The following DNER variants were observed in gnomAD, a reference collection of about 807,000 sequenced individuals.
DNER encodes the protein delta/notch like EGF repeat containing.
Under a neutral mutation model 78.2 loss-of-function variants are expected in DNER, and 33 were observed. The observed-to-expected ratio is 0.42, with a 90% CI of 0.32 to 0.56. The LOEUF is 0.56. DNER is among the 20% of genes least tolerant of loss of function. The pLI is 0.11. For missense variants in DNER, 918 were observed against 975.3 expected (o/e 0.94, Z 0.78); for synonymous variants, 417 against 384.8 (o/e 1.08, Z -0.98).
At chr2:229,471,080 A>G (rs1694914542) in intron 7 of DNER, among the ~76,000 whole-genome samples, 1 of 151,920 alleles carries the variant, frequency 6.6e-6, no homozygotes, top group Non-Finnish European at 1.5e-5. Flanking sequence ...ATGTAAATAC[A>G]TGGAGTTTCA....
At chr2:229,458,135 C>CAAAAAAAAAAAAAAAAA (rs61340733) in intron 7 of DNER, among the ~76,000 whole-genome samples, 2 of 17,718 alleles carry the variant, frequency 1.1e-4, no homozygotes, top group Non-Finnish European at 9.7e-5. Context: ...GACTCTATCT[C>CAAAAAAAAAAAAAAAAA]AAAAAAAAAA....
At chr2:229,706,726 TAA>T (rs1699833185) in intron 1 of DNER, among the ~76,000 whole-genome samples, 1 of 152,192 alleles carries the variant, frequency 6.6e-6, no homozygotes, top group Non-Finnish European at 1.5e-5. Flanking sequence ...GGATTTCATA[TAA>T]CTTTCATGCA....
chr2:229,379,869 T>G (rs207656), intron 11 of DNER, among the ~76,000 whole-genome samples: 10,707 of 152,160 alleles, frequency 0.07, 1,216 homozygotes, highest in African/African-American at 0.24. Context: ...CCCTTAGAAT[T>G]TTACCATTGA....
At position 229,447,559 on chromosome 2, in the gene DNER, G is replaced by A; in HGVS notation, c.1262-19C>T. Reference sequence around the variant, plus strand: ...AAGTATCCTGTGAAAAAACACATGAGAGCTTAAAAAAACTAAAACACATTT... The same window carrying A: ...AAGTATCCTGTGAAAAAACACATGAAAGCTTAAAAAAACTAAAACACATTT... On this transcript the variant is annotated intron_variant, in intron 7 of 12. Transcript: ENST00000341772. The A allele has an allele frequency of 2.5e-6, 4 of 1,608,904 alleles. No individual in the cohort carries two copies. Among genetic ancestry groups the A allele is most frequent in the Non-Finnish European group, 3.4e-6 (4 of 1,177,038 alleles).
chr2:229,679,567 G>A (rs1699353040), intron 1 of DNER, among the ~76,000 whole-genome samples: 1 of 151,958 alleles, frequency 6.6e-6, no homozygotes, highest in African/African-American at 2.4e-5. Context: ...TAAAACAGTG[G>A]TCTCAAAAGG....
In DNER at chr2:229,564,629, T is replaced by A. The variant is rs373787804; in HGVS notation, c.848-17537A>T. 2.3e-4 allele frequency among the ~76,000 whole-genome samples: 33 copies of A among 143,688 alleles called. No homozygotes were observed. In the East Asian group the frequency reaches 6.4e-3, roughly 28 times the overall value. 94.3% of individuals were successfully genotyped at this position (143,688 alleles called of 152,430 possible). A position where few individuals can be genotyped will look rare whatever the true frequency, so the allele number is the denominator to read the frequency against. On this transcript the variant is annotated intron_variant, in intron 4 of 12. Transcript: ENST00000341772. ...CCTCACCACATCACCATCATCATCC[T>A]CATCCTCACCCCATCACCACCATCA...
chr2:229,489,344 C>T (rs528346574), intron 6 of DNER, among the ~76,000 whole-genome samples: 4 of 152,264 alleles, frequency 2.6e-5, no homozygotes, highest in Non-Finnish European at 2.9e-5. Flanking sequence ...GAGATGAGGG[C>T]GGCGAGCATA....
At chr2:229,448,442 T>C (rs1019583702) in intron 7 of DNER, among the ~76,000 whole-genome samples, 3 of 152,224 alleles carry the variant, frequency 2.0e-5, no homozygotes, top group African/African-American at 7.2e-5. Context: ...TGGATTGTGG[T>C]GATAGCTGCA....
chr2:229,575,525 G>A (rs2154214145), intron 4 of DNER, among the ~76,000 whole-genome samples: 1 of 152,296 alleles, frequency 6.6e-6, no homozygotes, highest in South Asian at 2.1e-4. Context: ...AGTCTCCTGA[G>A]GAGCTACCAG....
chr2:229,382,104 T>C lies in DNER; in HGVS notation c.1855+6161A>G, dbSNP rs147708408. Among the ~76,000 whole-genome samples, 1,391 of 152,314 alleles carry C rather than the reference T, an allele frequency of 9.1e-3. 10 individuals carry two copies. The highest frequency in any genetic ancestry group is 0.048 in the Middle Eastern group (14 of 294). On this transcript the variant is annotated intron_variant, in intron 11 of 12. Transcript: ENST00000341772. The stretch of plus-strand genomic sequence containing the variant: ...CATCTTTGCTGTTCCACAGCCTCCA[T>C]TGGTGATACCCAGGCAAATGGTCTG...
chr2:229,650,887 T>C (rs1355283632), intron 1 of DNER, among the ~76,000 whole-genome samples: 1 of 152,134 alleles, frequency 6.6e-6, no homozygotes, highest in Non-Finnish European at 1.5e-5. Context: ...GTGCTTTCTA[T>C]AGAGTGGATG....
chr2:229,672,250 T>A (rs150120463), intron 1 of DNER, among the ~76,000 whole-genome samples: 156 of 151,952 alleles, frequency 1.0e-3, no homozygotes, highest in African/African-American at 3.5e-3. Context: ...GTAGCTGAGG[T>A]AGGGAGATTC....
chr2:229,442,504 C>T (rs1197176218), intron 8 of DNER, among the ~76,000 whole-genome samples: 2 of 110,260 alleles, frequency 1.8e-5, no homozygotes, highest in African/African-American at 4.9e-5. Context: ...GACAGAGCAA[C>T]GCTCTGTCTT....
intron 5 of DNER, among the ~76,000 whole-genome samples, chr2:229,546,381 A>G (rs373739165): frequency 1.3e-5 from 2 of 152,178 alleles, no homozygotes; most frequent in Non-Finnish European, 2.9e-5. Flanking sequence ...CAAGGAATTT[A>G]ATTGGGCTGA....
At chr2:229,548,070 A>G (rs1335858135) in intron 4 of DNER, among the ~76,000 whole-genome samples, 1 of 152,244 alleles carries the variant, frequency 6.6e-6, no homozygotes, top group Admixed American at 6.5e-5. Flanking sequence ...AAAGTTAAAA[A>G]GCCTCATCAT....
chr2:229,640,303 A>G (rs924226140), intron 1 of DNER, among the ~76,000 whole-genome samples: 18 of 152,228 alleles, frequency 1.2e-4, no homozygotes, highest in African/African-American at 3.9e-4. Context: ...TTACAATGCA[A>G]TACTTCCCAC....
At chr2:229,528,631 G>A (rs916738693) in intron 5 of DNER, among the ~76,000 whole-genome samples, 1 of 152,168 alleles carries the variant, frequency 6.6e-6, no homozygotes, top group Non-Finnish European at 1.5e-5. Flanking sequence ...TACTCTATCA[G>A]ATGATTTTGT....
intron 1 of DNER, among the ~76,000 whole-genome samples, chr2:229,596,399 G>C (rs534748835): frequency 6.6e-6 from 1 of 152,210 alleles, no homozygotes; most frequent in Non-Finnish European, 1.5e-5. Flanking sequence ...AAGCTCTGTC[G>C]ACCTGAGAGG....
chr2:229,692,155 G>T (rs1388818392), intron 1 of DNER, among the ~76,000 whole-genome samples: 1 of 152,144 alleles, frequency 6.6e-6, no homozygotes, highest in Non-Finnish European at 1.5e-5. Flanking sequence ...TATTTGAATT[G>T]AGTCTTCTGT....
Sources: allele counts gnomAD v4.1 joint callset (sites outside exome capture counted in the v4.1 genomes callset), GRCh38; gene constraint gnomAD v4.1.1; transcripts MANE v1.5; gene names NCBI Gene and HGNC (gene_info 2026-07-23, HGNC 2026-07-21).